The following ABCB4 variants were observed in gnomAD, a reference collection of about 807,000 sequenced individuals.
The protein encoded by ABCB4 is ATP binding cassette subfamily B member 4, also known as phosphatidylcholine translocator ABCB4.
A neutral mutation model predicts 145.7 loss-of-function variants in ABCB4; 76 were observed. The observed-to-expected ratio is 0.52, with a 90% CI of 0.43 to 0.63. ABCB4 has a LOEUF of 0.63. Ranked by LOEUF, ABCB4 falls within the 30% of genes least tolerant of loss-of-function variation. ABCB4 has a pLI of 0.00. For synonymous variants in ABCB4, 517 were observed against 566.8 expected (o/e 0.91, Z 1.25); for missense variants, 1,234 against 1,553.1 (o/e 0.79, Z 3.45).
the ABCB4 span, among the ~76,000 whole-genome samples, chr7:87,374,365 C>T: frequency 6.6e-6 from 1 of 151,956 alleles, no homozygotes; most frequent in Non-Finnish European, 1.5e-5. Context: ...TAATAATGAC[C>T]ACCTTGTAAA....
intron 4 of ABCB4, among the ~76,000 whole-genome samples, chr7:87,457,036 T>A (rs1484307931): frequency 1.3e-5 from 2 of 152,134 alleles, no homozygotes; most frequent in Admixed American, 6.6e-5. Flanking sequence ...TAGAATTACA[T>A]GGGGAGCTTA....
chr7:87,400,448 C>G (rs983199354), downstream of ABCB4, among the ~76,000 whole-genome samples: 14 of 152,186 alleles, frequency 9.2e-5, no homozygotes, highest in Admixed American at 6.5e-4. Context: ...CAGCCTCTGT[C>G]CTGAAAAGCA....
intron 24 of ABCB4, 36 bp from the exon 25 acceptor site, chr7:87,408,270 C>G (rs1218712921): frequency 3.2e-6 from 5 of 1,584,732 alleles, no homozygotes; most frequent in Non-Finnish European, 4.3e-6. Context: ...TTATAATTGG[C>G]CTGATAATTA....
At chr7:87,456,905 C>A (rs1812137656) in intron 4 of ABCB4, among the ~76,000 whole-genome samples, 1 of 151,972 alleles carries the variant, frequency 6.6e-6, no homozygotes, top group Non-Finnish European at 1.5e-5. Flanking sequence ...AAAGTCATGG[C>A]CTGCTAGATC....
At chr7:87,385,734 G>A in the ABCB4 span, among the ~76,000 whole-genome samples, 2 of 152,286 alleles carry the variant, frequency 1.3e-5, no homozygotes, top group Non-Finnish European at 2.9e-5. Context: ...AGTGGTGAAA[G>A]TAGGCATCTT....
chr7:87,408,164 A>G lies in ABCB4; in HGVS notation c.3152T>C (p.Val1051Ala), dbSNP rs1379284893. Residue 1051 changes from valine (V) to alanine (A), a missense_variant, in exon 25 of 28, where the codon GTG becomes GCG. Physicochemically the swap from Val to Ala is moderately conservative, Grantham distance 64. This residue lies in a region of ABCB4 where 301 missense variants were observed against 389.0 expected (regional missense o/e 0.77). Transcript: ENST00000649586. ...FNYPTRANVP[V>A]LQGLSLEVKK... ...CACCTCCAGGCTCAGCCCCTGAAGC[A>G]CTGGCACGTTTGCTCGGGTGGGATA... 5.0e-6 allele frequency: 8 copies of G among 1,614,240 alleles called. No homozygotes were observed. In the East Asian group the frequency reaches 1.8e-4, roughly 36 times the overall value.
At chr7:87,471,569 AGAGTGTG>A in intron 3 of ABCB4, among the ~76,000 whole-genome samples, 1 of 152,262 alleles carries the variant, frequency 6.6e-6, no homozygotes. Flanking sequence ...GCAGTGTTTG[AGAGTGTG>A]GATGTTTTGG....
At chr7:87,443,638 T>C (rs774307264) in intron 11 of ABCB4, 25 bp downstream of exon 11, 2 of 1,593,636 alleles carry the variant, frequency 1.3e-6, no homozygotes, top group Non-Finnish European at 1.7e-6. Context: ...CAGTTAGGAA[T>C]TCCTATAAAT....
intron 4 of ABCB4, 147 bp downstream of exon 4, chr7:87,462,611 A>C: frequency 1.3e-6 from 1 of 747,988 alleles, no homozygotes. Flanking sequence ...TTTTCTGAGA[A>C]TTTTACAACT....
intron 15 of ABCB4, among the ~76,000 whole-genome samples, chr7:87,430,997 G>A (rs1394436026): frequency 6.6e-6 from 1 of 152,162 alleles, no homozygotes; most frequent in Non-Finnish European, 1.5e-5. Context: ...GGAAAAGGCG[G>A]TCACTTGTCA....
intron 4 of ABCB4, among the ~76,000 whole-genome samples, chr7:87,458,081 C>G (rs4148817): frequency 0.23 from 34,874 of 152,006 alleles, 5,338 homozygotes; most frequent in African/African-American, 0.44. Context: ...GCACTATGGA[C>G]AGTTATGAAG....
chr7:87,475,517 G>T, intron 1 of ABCB4, 46 bp from the exon 2 acceptor site: 1 of 1,600,644 alleles, frequency 6.2e-7, no homozygotes, highest in Non-Finnish European at 8.5e-7. Context: ...CCTCTCCGGC[G>T]GCCCGGCGCA....
At position 87,418,579 on chromosome 7, in the gene ABCB4, T is replaced by C. The variant is rs1809164025; in HGVS notation, c.2436A>G (p.Ala812=). ...CATCTGTGGCAAGTCTTGTAGAAAG[T>C]GCACCAGTACTGTTTTTATGGTCAT... The part of the protein sequence containing the change: ...WFDDHKNSTG[A]LSTRLATDAA... Residue 812 remains alanine (A), a synonymous_variant, in exon 20 of 28, where the codon GCA becomes GCG. Coordinates refer to ENST00000649586, the MANE Select transcript of ABCB4 (RefSeq NM_000443.4). 2 of 1,614,208 alleles carry C rather than the reference T, an allele frequency of 1.2e-6. No homozygotes were observed. The highest frequency in any genetic ancestry group is 1.7e-6 in the Non-Finnish European group (2 of 1,180,024).
chr7:87,453,089 C>T lies in ABCB4; in HGVS notation c.391G>A (p.Ala131Thr). Residue 131 changes from alanine to threonine, a missense_variant, in exon 6 of 28, where the codon GCC becomes ACC. This residue lies in a region of ABCB4 where 467 missense variants were observed against 632.8 expected (regional missense o/e 0.74). Coordinates refer to ENST00000649586, the MANE Select transcript of ABCB4 (RefSeq NM_000443.4). ...GTCCAAAATGAAACTTGTATATAGG[C>T]AGCAACAAGAACTCCAGCACCCAAT... The part of the protein sequence containing the change: ...SGLGAGVLVA[A>T]YIQVSFWTLA... 1 of 1,614,060 alleles carries T rather than the reference C, an allele frequency of 6.2e-7. No individual in the cohort carries two copies. The highest frequency in any genetic ancestry group is 1.3e-5 in the African/African-American group (1 of 75,022).
intron 1 of ABCB4, 42 bp downstream of exon 1, chr7:87,475,592 C>G: frequency 4.1e-6 from 4 of 969,204 alleles, no homozygotes; most frequent in Non-Finnish European, 6.4e-6. Context: ...CCCCACGTCC[C>G]GGGTCTCCCT....
chr7:87,443,624 A>G (rs200205328), intron 11 of ABCB4, 39 bp downstream of exon 11: 9 of 1,577,790 alleles, frequency 5.7e-6, no homozygotes, highest in Admixed American at 3.3e-5. Flanking sequence ...TCAACAATCA[A>G]CCTCAGTTAG....
intron 20 of ABCB4, 73 bp downstream of exon 20, chr7:87,418,464 A>G: frequency 7.5e-7 from 1 of 1,337,304 alleles, no homozygotes. Flanking sequence ...CATCTTAACA[A>G]GTGTGGGTAT....
chr7:87,461,205 T>C (rs1812436941), intron 4 of ABCB4, among the ~76,000 whole-genome samples: 1 of 152,208 alleles, frequency 6.6e-6, no homozygotes, highest in Non-Finnish European at 1.5e-5. Context: ...CACCTTGGCC[T>C]CCCAAAGTGC....
intron 7 of ABCB4, 133 bp from the exon 8 acceptor site, chr7:87,450,225 C>T: frequency 7.8e-7 from 1 of 1,275,464 alleles, no homozygotes; most frequent in Non-Finnish European, 1.1e-6. Context: ...TAGCAAATGC[C>T]AGTGTTCTGG....
Sources: allele counts gnomAD v4.1 joint callset (sites outside exome capture counted in the v4.1 genomes callset), GRCh38; gene constraint gnomAD v4.1.1; regional missense constraint gnomAD v4.1.1; transcripts MANE v1.5; gene names NCBI Gene and HGNC (gene_info 2026-07-23, HGNC 2026-07-21).